The following RASAL2 variants were observed in gnomAD, a reference collection of about 807,000 sequenced individuals.
RASAL2 encodes ras GTPase-activating protein nGAP.
A neutral mutation model predicts 128.9 loss-of-function variants in RASAL2; 58 were observed. That is an observed-to-expected ratio of 0.45 (90% CI 0.36 to 0.56). The LOEUF (loss-of-function observed/expected upper bound fraction) is 0.56, where lower values mean the gene tolerates loss of function less well. RASAL2 is among the 20% of genes least tolerant of loss of function. The pLI is 0.00. For synonymous variants in RASAL2, 561 were observed against 580.8 expected, an observed-to-expected ratio of 0.97 and a Z score of 0.49; for missense variants, 1,360 against 1,601.6, an observed-to-expected ratio of 0.85 and a Z score of 2.57.
chr1:178,382,326 T>A (rs1672330288), intron 3 of RASAL2, among the ~76,000 whole-genome samples: 1 of 152,202 alleles, frequency 6.6e-6, no homozygotes, highest in African/African-American at 2.4e-5. Context: ...GTTTCTTGAC[T>A]AGAATGTTTT....
intron 3 of RASAL2, among the ~76,000 whole-genome samples, chr1:178,330,069 C>A (rs1669219589): frequency 6.6e-6 from 1 of 152,002 alleles, no homozygotes; most frequent in Non-Finnish European, 1.5e-5. Flanking sequence ...TAATCAGAGC[C>A]ATTAGTAGGG....
At chr1:178,269,574 C>T (rs1298429750) in intron 1 of RASAL2, among the ~76,000 whole-genome samples, 2 of 152,136 alleles carry the variant, frequency 1.3e-5, no homozygotes, top group Non-Finnish European at 2.9e-5. Flanking sequence ...AAGGAGCTGG[C>T]CAAAACCTGC....
chr1:178,222,009 C>T (rs2102004880), intron 1 of RASAL2, among the ~76,000 whole-genome samples: 1 of 152,214 alleles, frequency 6.6e-6, no homozygotes, highest in East Asian at 1.9e-4. Flanking sequence ...CCTTTCTTTA[C>T]CCCTGATAAT....
chr1:178,332,755 G>T (rs113085674), intron 3 of RASAL2, among the ~76,000 whole-genome samples: 1 of 150,832 alleles, frequency 6.6e-6, no homozygotes, highest in Non-Finnish European at 1.5e-5. Flanking sequence ...GGGACTACAG[G>T]TGCCCGCCAC....
At chr1:178,277,926 C>G (rs1666600815) in intron 1 of RASAL2, among the ~76,000 whole-genome samples, 1 of 152,188 alleles carries the variant, frequency 6.6e-6, no homozygotes, top group African/African-American at 2.4e-5. Context: ...AATAGTGTTA[C>G]AGTCTCACCA....
chr1:178,106,614 T>A (rs1659100177), intron 1 of RASAL2, among the ~76,000 whole-genome samples: 1 of 152,192 alleles, frequency 6.6e-6, no homozygotes, highest in Non-Finnish European at 1.5e-5. Flanking sequence ...GACTTCATGG[T>A]TTTCCTTTTT....
chr1:178,464,534 C>CAA (rs1647439163), intron 15 of RASAL2, 122 bp downstream of exon 15: 2 of 1,078,524 alleles, frequency 1.9e-6, no homozygotes, highest in Middle Eastern at 6.1e-4. Context: ...TTATGTTAAT[C>CAA]ATCCTATACA....
intron 1 of RASAL2, among the ~76,000 whole-genome samples, chr1:178,159,238 A>G (rs1661188489): frequency 6.6e-6 from 1 of 152,170 alleles, no homozygotes; most frequent in South Asian, 2.1e-4. Flanking sequence ...ATCTTTTCAT[A>G]TGTTAGTCTT....
intron 1 of RASAL2, among the ~76,000 whole-genome samples, chr1:178,229,090 A>G (rs940715350): frequency 7.9e-5 from 12 of 152,198 alleles, no homozygotes; most frequent in Admixed American, 6.5e-4. Flanking sequence ...TTGCTTTATC[A>G]TATTTTATCT....
intron 1 of RASAL2, among the ~76,000 whole-genome samples, chr1:178,095,832 G>A (rs970288655): frequency 3.9e-5 from 6 of 152,126 alleles, no homozygotes; most frequent in South Asian, 2.1e-4. Context: ...TATGGGATTT[G>A]GGGCAGATCG....
At position 178,300,086 on chromosome 1, in the gene RASAL2, C is replaced by A. The variant is rs771064193; in HGVS notation, c.425C>A (p.Pro142His). The A allele has an allele frequency of 6.2e-7, 1 of 1,613,782 alleles. No individual in the cohort carries two copies. Among genetic ancestry groups the A allele is most frequent in the South Asian group, 1.1e-5 (1 of 91,036 alleles). ...TVSVPSEGQF[P>H]EYPPEGATKL... ...AGTGTCCCTTCCGAGGGTCAGTTTCCCGAGTACCCACCAGAGGGCGCCACT... is the reference window on the plus strand; with the variant it reads ...AGTGTCCCTTCCGAGGGTCAGTTTCACGAGTACCCACCAGAGGGCGCCACT... Residue 142 changes from proline (P) to histidine (H), a missense_variant, in exon 3 of 18, where the codon CCC becomes CAC. Physicochemically the swap from Pro to His is moderately conservative, Grantham distance 77. Transcript: ENST00000367649.
Position 178,456,842 on chromosome 1 carries a change from A to C in RASAL2, c.2333A>C (p.Asn778Thr). 1 of 1,614,128 alleles carries C rather than the reference A, an allele frequency of 6.2e-7. No individual in the cohort carries two copies. Among genetic ancestry groups the C allele is most frequent in the Non-Finnish European group, 8.5e-7 (1 of 1,180,008 alleles). The change falls in exon 13 of 18, where the codon AAT becomes ACT. Residue 778 changes from asparagine (N) to threonine (T), a missense_variant. By Grantham distance (65) the Asn-to-Thr change is moderately conservative. Coordinates refer to ENST00000367649, the MANE Select transcript of RASAL2 (RefSeq NM_170692.4). ...RRFTEHNSSP[N>T]VSGSLSSGLQ... ...TTCACTGAACATAACTCCAGTCCAAATGTCAGTGGAAGCCTCTCCTCTGGG... is the reference window on the plus strand; with the variant it reads ...TTCACTGAACATAACTCCAGTCCAACTGTCAGTGGAAGCCTCTCCTCTGGG...
At chr1:178,397,968 A>C (rs1031371416) in intron 4 of RASAL2, among the ~76,000 whole-genome samples, 4 of 152,038 alleles carry the variant, frequency 2.6e-5, no homozygotes, top group African/African-American at 9.7e-5. Context: ...GTATCTCAGT[A>C]AAACTTTTTA....
intron 1 of RASAL2, among the ~76,000 whole-genome samples, chr1:178,273,832 GTT>G (rs1319502411): frequency 6.6e-6 from 1 of 152,150 alleles, no homozygotes; most frequent in African/African-American, 2.4e-5. Flanking sequence ...GTAGGTGTTT[GTT>G]TCCTACCACT....
intron 1 of RASAL2, among the ~76,000 whole-genome samples, chr1:178,224,979 C>T (rs1002554529): frequency 6.6e-6 from 1 of 152,084 alleles, no homozygotes; most frequent in Non-Finnish European, 1.5e-5. Context: ...CAATTATGTT[C>T]TGTGGATCAT....
At chr1:178,320,960 A>T (rs1187120507) in intron 3 of RASAL2, among the ~76,000 whole-genome samples, 1 of 152,254 alleles carries the variant, frequency 6.6e-6, no homozygotes, top group African/African-American at 2.4e-5. Flanking sequence ...TAACAAGCAC[A>T]TTCTAAGTTT....
chr1:178,217,379 C>G (rs1218164900), intron 1 of RASAL2, among the ~76,000 whole-genome samples: 3 of 152,190 alleles, frequency 2.0e-5, no homozygotes, highest in East Asian at 3.8e-4. Context: ...AGCCCTCCTA[C>G]TAGAACTTCT....
In RASAL2 at chr1:178,449,543, G is replaced by T. The variant is rs570600328; in HGVS notation, c.1628-2028G>T. On this transcript the variant is annotated intron_variant, in intron 9 of 17. Transcript: ENST00000367649. ...ACTTAACATGTAAACAACATAACAA[G>T]CACCCCCTTTGGCTCTGGTTTTTTT... Among the ~76,000 whole-genome samples the T allele has an allele frequency of 8.6e-5, 13 of 151,982 alleles. 1 individual carries two copies. The South Asian group carries it at 1.0e-3, about 12-fold the overall frequency.
Position 178,225,227 on chromosome 1 carries a change from A to G in RASAL2, c.203-58337A>G, listed in dbSNP as rs575723339. Reference sequence around the variant, plus strand: ...GTTAAGGCTTTTATTTTTGCTGTGGATTTTAAATATATATATTTTTACTTA... The same window carrying G: ...GTTAAGGCTTTTATTTTTGCTGTGGGTTTTAAATATATATATTTTTACTTA... On this transcript the variant is annotated intron_variant, in intron 1 of 17. Coordinates refer to ENST00000367649, the MANE Select transcript of RASAL2 (RefSeq NM_170692.4). 7.2e-4 allele frequency among the ~76,000 whole-genome samples: 110 copies of G among 151,944 alleles called. 1 individual carries two copies. The highest frequency in any genetic ancestry group is 2.4e-3 in the African/African-American group (98 of 41,512).
Sources: gnomAD v4.1 joint callset for allele counts (sites outside exome capture counted in the v4.1 genomes callset) on GRCh38, gnomAD v4.1.1 for gene constraint, MANE v1.5 for transcripts, NCBI Gene and HGNC (gene_info 2026-07-23, HGNC 2026-07-21) for gene names.